ZDHHC8: variants seen among roughly 807,000 people sequenced by gnomAD.
The protein encoded by ZDHHC8 is palmitoyltransferase ZDHHC8.
In ZDHHC8, 24 loss-of-function variants were observed where a neutral mutation model predicts 61.2. The ratio of observed to expected loss-of-function variants is 0.39; its 90% confidence interval spans 0.28 to 0.55. The LOEUF (loss-of-function observed/expected upper bound fraction) is 0.55. Among genes scored for constraint, ZDHHC8 ranks in the 20% least tolerant of loss-of-function variants. The probability of loss-of-function intolerance (pLI) is 0.60; values close to 1 mark genes in which losing one functional copy is unlikely to be tolerated. For synonymous variants in ZDHHC8, 523 were observed against 492.5 expected (o/e 1.06, Z -0.82); for missense variants, 935 against 1,102.1 (o/e 0.85, Z 2.15).
rs748720236 is a variant in ZDHHC8 at position 20,139,480 on chromosome 22, G to A, written c.229G>A (p.Asp77Asn). The change falls in exon 3 of 11, where the codon GAT becomes AAT. Residue 77 changes from aspartate (D) to asparagine (N), a missense_variant and splice_region_variant. Transcript: ENST00000334554. ...ACTGCCTGGCTCCTGGTCTGTAGCG[G>A]ATGAGGATGAGGACAAGGAGGACGA... ...FMDPGVFPRA[D>N]EDEDKEDDFR... is the part of the protein sequence containing the mutation. 6.2e-7 allele frequency: 1 copy of A among 1,613,620 alleles called. No individual in the cohort carries two copies. Among genetic ancestry groups the A allele is most frequent in the Non-Finnish European group, 8.5e-7 (1 of 1,179,926 alleles).
rs755178351 is a variant in ZDHHC8 at position 20,140,181 on chromosome 22, G to A, written c.624G>A (p.Val208=). Residue 208 remains valine (V), a synonymous_variant, in exon 5 of 11, where the codon GTG becomes GTA. Coordinates refer to ENST00000334554, the MANE Select transcript of ZDHHC8 (RefSeq NM_013373.4). The part of the protein sequence containing the change: ...IPVIGLTGFH[V]VLVTRGRTTN... The stretch of plus-strand genomic sequence containing the variant: ...TCATTGGCCTCACTGGCTTCCATGT[G>A]GTGCTGGTCACTCGGGGGCGCACCA... 6.2e-6 allele frequency: 10 copies of A among 1,613,308 alleles called. No homozygotes were observed. Among genetic ancestry groups the A allele is most frequent in the Non-Finnish European group, 8.5e-6 (10 of 1,180,010 alleles).
chr22:20,137,995 G>A (rs936088362), intron 1 of ZDHHC8, among the ~76,000 whole-genome samples: 1 of 152,276 alleles, frequency 6.6e-6, no homozygotes, highest in Admixed American at 6.5e-5. Flanking sequence ...GATGGCTGTC[G>A]TGGGAAGCGG....
chr22:20,144,266 G>A (rs1383464670), intron 10 of ZDHHC8, among the ~76,000 whole-genome samples: 1 of 152,162 alleles, frequency 6.6e-6, no homozygotes, highest in Non-Finnish European at 1.5e-5. Flanking sequence ...ATAGTTCTAG[G>A]AAGCAGGGGC....
chr22:20,136,790 T>C (rs116320840), intron 1 of ZDHHC8, among the ~76,000 whole-genome samples: 2,231 of 152,364 alleles, frequency 0.015, 56 homozygotes, highest in African/African-American at 0.05. Flanking sequence ...GAACAGGTTG[T>C]CTGTGTGTTT....
Position 20,141,267 on chromosome 22 carries a change from A to G in ZDHHC8, c.945A>G (p.Pro315=). 1.2e-6 allele frequency: 2 copies of G among 1,612,746 alleles called. No homozygotes were observed. Among genetic ancestry groups the G allele is most frequent in the Non-Finnish European group, 8.5e-7 (1 of 1,179,910 alleles). ...ATGAGAAGCCACTGGACTTGGGGCC[A>G]CCACTGCCCCCCAAGATAGAGGCTG... ...RLDEKPLDLG[P]PLPPKIEAGT... The change falls in exon 8 of 11, where the codon CCA becomes CCG. Residue 315 remains proline (P), a synonymous_variant. Transcript: ENST00000334554.
At chr22:20,137,730 T>C (rs1278783479) in intron 1 of ZDHHC8, among the ~76,000 whole-genome samples, 5 of 152,238 alleles carry the variant, frequency 3.3e-5, no homozygotes, top group Admixed American at 3.3e-4. Flanking sequence ...GGGCCGACCC[T>C]GCCTTAGGGG....
chr22:20,142,999 C>G lies in ZDHHC8; in HGVS notation c.1369C>G (p.Pro457Ala), dbSNP rs2050485198. 1.2e-6 allele frequency: 2 copies of G among 1,603,280 alleles called. No homozygotes were observed. Among genetic ancestry groups the G allele is most frequent in the Admixed American group, 1.7e-5 (1 of 59,504 alleles). Residue 457 changes from proline (P) to alanine (A), a missense_variant, in exon 10 of 11, where the codon CCC (proline) becomes GCC (alanine). Coordinates refer to ENST00000334554, the MANE Select transcript of ZDHHC8 (RefSeq NM_013373.4). ...GCAGCCCCTGCGCTCTGAGGGGGGG[C>G]CCCCCACGCCCCACCGTAGCATTTT... ...ALQPLRSEGG[P>A]PTPHRSIFAP...
At chr22:20,141,867 T>G (rs1276589946) in intron 9 of ZDHHC8, among the ~76,000 whole-genome samples, 9 of 152,212 alleles carry the variant, frequency 5.9e-5, no homozygotes, top group Non-Finnish European at 8.8e-5. Context: ...AGGAGCACTG[T>G]GTACCAGGAT....
chr22:20,139,210 C>T lies in ZDHHC8; in HGVS notation c.121C>T (p.Arg41Ter), dbSNP rs1279512901. The change falls in exon 2 of 11, where the codon CGA becomes TGA. Residue 41 changes from arginine (R) to a stop codon, truncating the protein, a stop_gained. Coordinates refer to ENST00000334554, the MANE Select transcript of ZDHHC8 (RefSeq NM_013373.4). LOFTEE classifies it high-confidence loss of function. ...CTACTGCAGGTGCCCGTGGTTGACA[C>T]GAGCTGTGTCCCCAGCTGTTCCCGT... ...FFVFTCPWLT[R>*]AVSPAVPVYN... The T allele has an allele frequency of 2.5e-6, 4 of 1,613,614 alleles. No homozygotes were observed. Among genetic ancestry groups the T allele is most frequent in the Non-Finnish European group, 3.4e-6 (4 of 1,179,806 alleles).
rs2050533712 is a variant in ZDHHC8, at chr22:20,147,088, C to T, written c.*1688C>T. The T allele has an allele frequency of 1.3e-6, 2 of 1,529,626 alleles. No homozygotes were observed. The highest frequency in any genetic ancestry group is 1.2e-5 in the South Asian group (1 of 82,328). The allele number at this position is 1,529,626 out of a possible 1,614,324, so 94.8% of individuals were successfully genotyped here. On this transcript the variant is annotated 3_prime_UTR_variant, in exon 11 of 11. Transcript: ENST00000334554. The stretch of plus-strand genomic sequence containing the variant: ...CCAGCCTTGGGTGCCTCCTGGGCTG[C>T]ACCTGTGCCACCTTGGCCGCCCGGA...
chr22:20,145,886 C>A lies in ZDHHC8; in HGVS notation c.*486C>A. The A allele has an allele frequency of 2.0e-6, 2 of 985,964 alleles. No individual in the cohort carries two copies. The highest frequency in any genetic ancestry group is 2.4e-6 in the Non-Finnish European group (2 of 830,178). The allele number at this position is 985,964 out of a possible 1,614,324, so 61.1% of individuals were successfully genotyped here. On this transcript the variant is annotated 3_prime_UTR_variant, in exon 11 of 11. Transcript: ENST00000334554. ...CCCCCGCCAGGCTACTCCTAACTAA[C>A]GCGTTGCCTTTCACGGACCCCGCTG... is the stretch of plus-strand genomic sequence containing the variant.
At position 20,140,607 on chromosome 22, in the gene ZDHHC8, G is replaced by A. The variant is rs758630024; in HGVS notation, c.661-10G>A. 2 of 1,597,136 alleles carry A rather than the reference G, an allele frequency of 1.3e-6. No homozygotes were observed. Among genetic ancestry groups the A allele is most frequent in the Non-Finnish European group, 8.5e-7 (1 of 1,172,298 alleles). The stretch of plus-strand genomic sequence containing the variant: ...GGAGGCCAGGCTGGCTGAGGGTCCT[G>A]CATCCACAGGTGACTGGGAAGTTCC... On this transcript the variant is annotated splice_polypyrimidine_tract_variant and intron_variant, in intron 5 of 10. Transcript: ENST00000334554.
At position 20,139,521 on chromosome 22, in the gene ZDHHC8, G is replaced by C. The variant is rs2050448936; in HGVS notation, c.270G>C (p.Leu90=). ...AGGAGGACGACTTCCGGGCTCCGCT[G>C]TACAAGAACGTGGATGTGCGAGGTA... ...EDKEDDFRAP[L]YKNVDVRGIQ... Residue 90 remains leucine (L), a synonymous_variant, in exon 3 of 11, where the codon CTG becomes CTC. Transcript: ENST00000334554. 1 of 1,613,610 alleles carries C rather than the reference G, an allele frequency of 6.2e-7. No individual in the cohort carries two copies. The highest frequency in any genetic ancestry group is 8.5e-7 in the Non-Finnish European group (1 of 1,180,008).
chr22:20,142,409 TCCCAAGCCCAAG>T (rs1024020782), intron 9 of ZDHHC8, among the ~76,000 whole-genome samples: 1 of 152,138 alleles, frequency 6.6e-6, no homozygotes, highest in Non-Finnish European at 1.5e-5. Flanking sequence ...GAGGCTCTTG[TCCCAAGCCCAAG>T]CCCAAGCCCA....
At position 20,141,916 on chromosome 22, in the gene ZDHHC8, G is replaced by A. The variant is rs529335358; in HGVS notation, c.1125+386G>A. Among the ~76,000 whole-genome samples, 6 of 152,348 alleles carry A rather than the reference G, an allele frequency of 3.9e-5. No homozygotes were observed. In the South Asian group the frequency reaches 8.3e-4, roughly 21 times the overall value. ...CCATTAGTCACTCTGTAAGGCCCAC[G>A]GGAAGACTTTGGAAGAATTTGAGAC... On this transcript the variant is annotated intron_variant, in intron 9 of 10. Transcript: ENST00000334554.
Position 20,140,690 on chromosome 22 carries a change from G to T in ZDHHC8, c.734G>T (p.Cys245Phe), listed in dbSNP as rs772798184. The change falls in exon 6 of 11, where the codon TGT (cysteine) becomes TTT (phenylalanine). Residue 245 changes from cysteine (C) to phenylalanine (F), a missense_variant. Transcript: ENST00000334554. ...TGTGGGAATGTGGAGCACGTGCTGT[G>T]TAGCCCCCTGGCGCCCCGGTGAGGC... ...GCCGNVEHVL[C>F]SPLAPRYVVE... The T allele has an allele frequency of 6.2e-7, 1 of 1,611,678 alleles. No individual in the cohort carries two copies. The highest frequency in any genetic ancestry group is 1.1e-5 in the South Asian group (1 of 90,860).
chr22:20,132,563 C>T (rs903002993), intron 1 of ZDHHC8, among the ~76,000 whole-genome samples: 4 of 152,256 alleles, frequency 2.6e-5, no homozygotes, highest in Admixed American at 6.5e-5. Flanking sequence ...CCACTGGTGA[C>T]CCGGGCCTGG....
At chr22:20,134,568 A>C (rs75031525) in intron 1 of ZDHHC8, among the ~76,000 whole-genome samples, 1 of 152,334 alleles carries the variant, frequency 6.6e-6, no homozygotes, top group East Asian at 1.9e-4. Context: ...CTTAGTGCCT[A>C]TACAGGGTTC....
At chr22:20,134,107 C>G (rs914595682) in intron 1 of ZDHHC8, among the ~76,000 whole-genome samples, 1 of 152,258 alleles carries the variant, frequency 6.6e-6, no homozygotes, top group African/African-American at 2.4e-5. Context: ...GCACCCAACC[C>G]TACACCTGGC....
Sources: gnomAD v4.1 joint callset for allele counts (sites outside exome capture counted in the v4.1 genomes callset) on GRCh38, gnomAD v4.1.1 for gene constraint, MANE v1.5 for transcripts, NCBI Gene and HGNC (gene_info 2026-07-23, HGNC 2026-07-21) for gene names.